DLG2: variants seen among roughly 807,000 people sequenced by gnomAD.
DLG2 encodes discs large MAGUK scaffold protein 2.
Under a neutral mutation model 132.5 loss-of-function variants are expected in DLG2, and 45 were observed. That is an observed-to-expected ratio of 0.34 (90% CI 0.27 to 0.44). The LOEUF (loss-of-function observed/expected upper bound fraction) is 0.44. Ranked by LOEUF, DLG2 falls within the 20% of genes least tolerant of loss-of-function variation. The pLI is 1.00. For synonymous variants in DLG2, 424 were observed against 419.6 expected, an observed-to-expected ratio of 1.01 and a Z score of -0.13; for missense variants, 1,045 against 1,196.9, an observed-to-expected ratio of 0.87 and a Z score of 1.87.
chr11:83,963,501 C>T (rs2089407051), intron 13 of DLG2, among the ~76,000 whole-genome samples: 1 of 151,790 alleles, frequency 6.6e-6, no homozygotes, highest in Non-Finnish European at 1.5e-5. Context: ...CTTTCTTTTT[C>T]ATTCCTCCTT....
intron 3 of DLG2, among the ~76,000 whole-genome samples, chr11:85,350,513 G>T (rs887756303): frequency 6.6e-6 from 1 of 152,154 alleles, no homozygotes; most frequent in Non-Finnish European, 1.5e-5. Context: ...TATTGCCTAG[G>T]TTTTCTTCTA....
At chr11:83,603,144 T>C (rs1458516407) in intron 19 of DLG2, among the ~76,000 whole-genome samples, 1 of 152,152 alleles carries the variant, frequency 6.6e-6, no homozygotes, top group South Asian at 2.1e-4. Flanking sequence ...CAATAAATCA[T>C]ATAAAATCTC....
chr11:84,530,438 AC>A (rs1477035633), intron 7 of DLG2, among the ~76,000 whole-genome samples: 2 of 152,298 alleles, frequency 1.3e-5, no homozygotes, highest in African/African-American at 2.4e-5. Flanking sequence ...AAGCCAAAAA[AC>A]AATCCTTTAA....
At chr11:83,661,222 T>C (rs1053354606) in intron 18 of DLG2, among the ~76,000 whole-genome samples, 27 of 152,290 alleles carry the variant, frequency 1.8e-4, no homozygotes, top group African/African-American at 5.8e-4. Flanking sequence ...ATTAGTGCAA[T>C]GATCTTGGGT....
At chr11:84,438,771 G>T (rs532763588) in intron 7 of DLG2, among the ~76,000 whole-genome samples, 1 of 152,290 alleles carries the variant, frequency 6.6e-6, no homozygotes, top group African/African-American at 2.4e-5. Context: ...AACTGCTCAT[G>T]ATGGCAAGGA....
intron 18 of DLG2, among the ~76,000 whole-genome samples, chr11:83,765,931 T>G (rs2094123396): frequency 6.6e-6 from 1 of 152,312 alleles, no homozygotes; most frequent in South Asian, 2.1e-4. Flanking sequence ...TAGATTCACA[T>G]GAAATTTTGA....
chr11:83,717,456 G>C (rs2086990399), intron 18 of DLG2, among the ~76,000 whole-genome samples: 1 of 152,182 alleles, frequency 6.6e-6, no homozygotes. Flanking sequence ...GAAAAGAGGA[G>C]TAGCTGAAGG....
intron 11 of DLG2, among the ~76,000 whole-genome samples, chr11:84,029,206 T>A (rs1354422267): frequency 2.6e-5 from 4 of 152,114 alleles, no homozygotes; most frequent in Admixed American, 2.6e-4. Flanking sequence ...TTGTGGAGTC[T>A]GCCAGAAATA....
intron 6 of DLG2, among the ~76,000 whole-genome samples, chr11:84,727,881 T>C (rs1434384302): frequency 2.0e-5 from 3 of 152,210 alleles, no homozygotes; most frequent in African/African-American, 7.2e-5. Context: ...AGTTAACTCA[T>C]GATTTGGCTC....
chr11:84,841,771 C>T (rs2080725348), intron 6 of DLG2, among the ~76,000 whole-genome samples: 1 of 151,880 alleles, frequency 6.6e-6, no homozygotes, highest in Non-Finnish European at 1.5e-5. Flanking sequence ...TTTTTCACTT[C>T]ACACTATAGC....
rs551453849 is a variant in DLG2 at position 84,629,880 on chromosome 11, G to T, written c.358-95149C>A. Among the ~76,000 whole-genome samples the T allele has an allele frequency of 1.2e-3, 189 of 152,222 alleles. 2 individuals are homozygous for T. The highest frequency in any genetic ancestry group is 4.2e-3 in the African/African-American group (174 of 41,532). On this transcript the variant is annotated intron_variant, in intron 6 of 27. Transcript: ENST00000376104. ...AGAAGAACAAGAGAAAGGGAAAATG[G>T]AGAATAAGTTCCTCTACTTTTTTCT...
At chr11:84,918,622 A>G (rs2092608794) in intron 6 of DLG2, among the ~76,000 whole-genome samples, 1 of 152,136 alleles carries the variant, frequency 6.6e-6, no homozygotes, top group Non-Finnish European at 1.5e-5. Context: ...AGGCTTCAAT[A>G]AATTGTTTTA....
intron 6 of DLG2, among the ~76,000 whole-genome samples, chr11:85,035,231 T>C (rs1366706220): frequency 6.6e-6 from 1 of 152,190 alleles, no homozygotes; most frequent in African/African-American, 2.4e-5. Context: ...TGTGTTCAGA[T>C]TGAAACAGCA....
At chr11:84,791,813 G>T (rs1253985345) in intron 6 of DLG2, among the ~76,000 whole-genome samples, 1 of 152,100 alleles carries the variant, frequency 6.6e-6, no homozygotes, top group African/African-American at 2.4e-5. Context: ...GAATTTATCA[G>T]TTCCGATAGC....
intron 3 of DLG2, among the ~76,000 whole-genome samples, chr11:85,502,248 T>A (rs758027586): frequency 6.6e-6 from 1 of 151,742 alleles, no homozygotes; most frequent in Non-Finnish European, 1.5e-5. Flanking sequence ...GAGGGGAACA[T>A]CACACACCAG....
intron 6 of DLG2, among the ~76,000 whole-genome samples, chr11:84,870,483 T>C (rs1373016526): frequency 6.6e-6 from 1 of 152,192 alleles, no homozygotes; most frequent in Non-Finnish European, 1.5e-5. Flanking sequence ...ATTAATAGGA[T>C]TATGAGAGAA....
At chr11:85,429,614 T>C (rs988641714) in intron 3 of DLG2, among the ~76,000 whole-genome samples, 1 of 152,154 alleles carries the variant, frequency 6.6e-6, no homozygotes, top group African/African-American at 2.4e-5. Flanking sequence ...AAAATGCTCG[T>C]CATCACTGGC....
At chr11:84,499,411 C>G (rs2099195592) in intron 7 of DLG2, among the ~76,000 whole-genome samples, 1 of 152,110 alleles carries the variant, frequency 6.6e-6, no homozygotes, top group Non-Finnish European at 1.5e-5. Flanking sequence ...TTTTTACAAC[C>G]CTATCCCATG....
intron 3 of DLG2, among the ~76,000 whole-genome samples, chr11:85,475,664 C>A (rs992996921): frequency 6.6e-6 from 1 of 152,100 alleles, no homozygotes; most frequent in South Asian, 2.1e-4. Context: ...AGTTCTGCAT[C>A]TATAAATTTA....
Sources: allele counts gnomAD v4.1 joint callset (sites outside exome capture counted in the v4.1 genomes callset), GRCh38; gene constraint gnomAD v4.1.1; transcripts MANE v1.5; gene names NCBI Gene and HGNC (gene_info 2026-07-23, HGNC 2026-07-21).